Variants in SLC4A7 observed in about 807,000 individuals in gnomAD.
SLC4A7 encodes solute carrier family 4 member 7.
Under a neutral mutation model 137.6 loss-of-function variants are expected in SLC4A7, and 51 were observed. The ratio of observed to expected loss-of-function variants is 0.37; its 90% confidence interval spans 0.30 to 0.47. The LOEUF (loss-of-function observed/expected upper bound fraction) is 0.47. SLC4A7 is among the 20% of genes least tolerant of loss of function. The probability of loss-of-function intolerance (pLI) is 1.00; values close to 1 mark genes in which losing one functional copy is unlikely to be tolerated. For synonymous variants in SLC4A7, 542 were observed against 518.6 expected (o/e 1.05, Z -0.61); for missense variants, 1,247 against 1,525.4 (o/e 0.82, Z 3.04).
At chr3:27,477,316 G>T (rs1371500492) in intron 1 of SLC4A7, among the ~76,000 whole-genome samples, 3 of 152,192 alleles carry the variant, frequency 2.0e-5, no homozygotes, top group Non-Finnish European at 4.4e-5. Flanking sequence ...TTTAGAGAAA[G>T]CCTGCTCTGA....
In SLC4A7 at chr3:27,433,962, T is replaced by C. The variant is rs1014601402; in HGVS notation, c.732A>G (p.Ala244=). 6.2e-7 allele frequency: 1 copy of C among 1,613,814 alleles called. No individual in the cohort carries two copies. Among genetic ancestry groups the C allele is most frequent in the Non-Finnish European group, 8.5e-7 (1 of 1,179,916 alleles). The change falls in exon 6 of 26, where the codon GCA becomes GCG. Residue 244 remains alanine, a synonymous_variant. Coordinates refer to ENST00000454389, the MANE Select transcript of SLC4A7 (RefSeq NM_001321103.2). ...GGTCAGAATGTTTCTTGCCTATATC[T>C]GCAAAAGATCGAACAAGAGGAATCC... is the stretch of plus-strand genomic sequence containing the variant. The part of the protein sequence containing the change: ...TSRIPLVRSF[A]DIGKKHSDPH...
intron 1 of SLC4A7, among the ~76,000 whole-genome samples, chr3:27,467,582 G>A (rs376276033): frequency 6.6e-6 from 1 of 152,140 alleles, no homozygotes; most frequent in East Asian, 1.9e-4. Context: ...AAGAAATCCC[G>A]TAAAACAAAT....
chr3:27,385,264 T>C (rs547062727), intron 23 of SLC4A7, among the ~76,000 whole-genome samples: 2 of 152,300 alleles, frequency 1.3e-5, no homozygotes, highest in East Asian at 3.9e-4. Flanking sequence ...TTCCTTCTTA[T>C]TAACCGATAC....
chr3:27,398,533 A>G (rs990115052), intron 16 of SLC4A7, among the ~76,000 whole-genome samples, 180 bp from the exon 17 acceptor site: 5 of 152,220 alleles, frequency 3.3e-5, no homozygotes. Flanking sequence ...ATTGTAATAC[A>G]TATCCTGAGT....
chr3:27,428,748 T>C (rs2055925636), intron 7 of SLC4A7, among the ~76,000 whole-genome samples: 2 of 152,194 alleles, frequency 1.3e-5, no homozygotes, highest in Non-Finnish European at 2.9e-5. Context: ...ATAACCAAGC[T>C]ACCCACTGAA....
At chr3:27,458,425 G>T (rs1014119954) in intron 1 of SLC4A7, among the ~76,000 whole-genome samples, 1 of 152,124 alleles carries the variant, frequency 6.6e-6, no homozygotes, top group Admixed American at 6.5e-5. Flanking sequence ...CTGACTGTAC[G>T]TAACAGGTGA....
chr3:27,418,369 G>A (rs1367579916), intron 11 of SLC4A7, 117 bp downstream of exon 11: 2 of 742,456 alleles, frequency 2.7e-6, no homozygotes, highest in African/African-American at 1.8e-5. Flanking sequence ...GGGGTAAGAA[G>A]GTAAACAGGA....
At chr3:27,436,593 C>G in intron 4 of SLC4A7, 45 bp from the exon 5 acceptor site, 1 of 1,203,382 alleles carries the variant, frequency 8.3e-7, no homozygotes, top group Non-Finnish European at 1.2e-6. Flanking sequence ...AATGAAGATT[C>G]CATTTGTTTA....
intron 1 of SLC4A7, among the ~76,000 whole-genome samples, chr3:27,458,371 T>C (rs919916520): frequency 6.6e-6 from 1 of 152,124 alleles, no homozygotes; most frequent in Non-Finnish European, 1.5e-5. Flanking sequence ...ACTAAATAAG[T>C]AGCAAAATAA....
chr3:27,471,710 T>TA (rs1023322601), intron 1 of SLC4A7, among the ~76,000 whole-genome samples: 2 of 152,132 alleles, frequency 1.3e-5, no homozygotes. Context: ...ACAAAGTGAG[T>TA]AAAAAATTCC....
chr3:27,460,617 T>G (rs2058647913), intron 1 of SLC4A7, among the ~76,000 whole-genome samples: 1 of 152,238 alleles, frequency 6.6e-6, no homozygotes, highest in African/African-American at 2.4e-5. Flanking sequence ...TGTTTTCCCC[T>G]AGTTTGTCTG....
chr3:27,467,579 C>T (rs1044239581), intron 1 of SLC4A7, among the ~76,000 whole-genome samples: 5 of 152,162 alleles, frequency 3.3e-5, no homozygotes, highest in African/African-American at 1.2e-4. Flanking sequence ...AAGAAGAAAT[C>T]CCGTAAAACA....
At chr3:27,395,818 A>G (rs375816753) in intron 18 of SLC4A7, among the ~76,000 whole-genome samples, 1 of 152,230 alleles carries the variant, frequency 6.6e-6, no homozygotes, top group South Asian at 2.1e-4. Flanking sequence ...CATAATTCAT[A>G]TAAGGTGAAA....
At chr3:27,422,074 C>A (rs1371430025) in intron 8 of SLC4A7, among the ~76,000 whole-genome samples, 2 of 152,070 alleles carry the variant, frequency 1.3e-5, no homozygotes, top group African/African-American at 4.8e-5. Context: ...CTATTAAGGA[C>A]AAATATGTAG....
chr3:27,462,623 AC>A, intron 1 of SLC4A7: 1 of 165,918 alleles, frequency 6.0e-6, no homozygotes, highest in Non-Finnish European at 1.3e-5. Flanking sequence ...TCTTAAAAGG[AC>A]CAGTTCAGAT....
intron 11 of SLC4A7, among the ~76,000 whole-genome samples, chr3:27,418,201 T>A (rs1436373156): frequency 6.6e-6 from 1 of 152,172 alleles, no homozygotes; most frequent in East Asian, 1.9e-4. Context: ...ATACAACTTT[T>A]ATATGAAAAA....
chr3:27,418,777 G>A (rs2054639264), intron 10 of SLC4A7, 145 bp from the exon 11 acceptor site: 4 of 564,134 alleles, frequency 7.1e-6, no homozygotes, highest in Non-Finnish European at 9.3e-6. Context: ...GCCCAGCCTG[G>A]GTAACAACTA....
intron 2 of SLC4A7, among the ~76,000 whole-genome samples, chr3:27,449,350 T>C (rs1320359669): frequency 6.7e-6 from 1 of 148,366 alleles, no homozygotes; most frequent in South Asian, 2.1e-4. Flanking sequence ...TTATAATAAA[T>C]ATAATATATA....
At chr3:27,414,331 G>C (rs903584790) in intron 11 of SLC4A7, among the ~76,000 whole-genome samples, 4 of 151,926 alleles carry the variant, frequency 2.6e-5, no homozygotes, top group African/African-American at 9.7e-5. Context: ...AAGGGAGTTG[G>C]TACCAACTCC....
Sources: gnomAD v4.1 joint callset for allele counts (sites outside exome capture counted in the v4.1 genomes callset) on GRCh38, gnomAD v4.1.1 for gene constraint, MANE v1.5 for transcripts, NCBI Gene and HGNC (gene_info 2026-07-23, HGNC 2026-07-21) for gene names.